Variants in MACROH2A1 observed in about 807,000 individuals in gnomAD.
The protein encoded by MACROH2A1 is core histone macro-H2A.1.
In MACROH2A1, 2 loss-of-function variants were observed where a neutral mutation model predicts 31.6. The observed-to-expected ratio is 0.06, with a 90% CI of 0.03 to 0.20. The LOEUF (loss-of-function observed/expected upper bound fraction) is 0.20. Among genes scored for constraint, MACROH2A1 ranks in the 10% least tolerant of loss-of-function variants. The pLI, the probability that MACROH2A1 is intolerant of heterozygous loss-of-function variation, is 1.00. For missense variants in MACROH2A1, 230 were observed against 474.0 expected (o/e 0.49, Z 4.78); for synonymous variants, 169 against 189.6 (o/e 0.89, Z 0.89).
intron 5 of MACROH2A1, chr5:135,360,156 T>TCTGC: frequency 3.1e-6 from 1 of 318,256 alleles, no homozygotes; most frequent in Non-Finnish European, 6.0e-6. Flanking sequence ...AGGCTTGACT[T>TCTGC]CTGCCTGATT....
rs1561607181 is a variant in MACROH2A1 at position 135,360,413 on chromosome 5, TC to T, written c.588+83del. On this transcript the variant is annotated intron_variant, in intron 5 of 8. Coordinates refer to ENST00000511689, the MANE Select transcript of MACROH2A1 (RefSeq NM_138610.3). ...ACGAGGCTGGGAGTGGCCCCCGGGATCCCCCCAGCCTTCCAGTGGAAGTAGC... is the reference window on the plus strand; with the variant it reads ...ACGAGGCTGGGAGTGGCCCCCGGGATCCCCCAGCCTTCCAGTGGAAGTAGC... 25 of 911,814 alleles carry T rather than the reference TC, an allele frequency of 2.7e-5. No homozygotes were observed. The South Asian group carries it at 3.0e-4, about 11-fold the overall frequency. 56.5% of individuals were successfully genotyped at this position (911,814 alleles called of 1,614,324 possible).
At chr5:135,337,955 C>T in intron 8 of MACROH2A1, 1 of 1,202,132 alleles carries the variant, frequency 8.3e-7, no homozygotes, top group Non-Finnish European at 1.1e-6. Context: ...AGGAAGAAAC[C>T]CTGCTATGGG....
intron 5 of MACROH2A1, chr5:135,358,542 G>T: frequency 1.0e-6 from 1 of 985,226 alleles, no homozygotes; most frequent in Non-Finnish European, 1.2e-6. Flanking sequence ...GTCTGTCTGG[G>T]TCTACATTCA....
intron 6 of MACROH2A1, among the ~76,000 whole-genome samples, chr5:135,347,944 C>G (rs192819296): frequency 6.6e-6 from 1 of 152,212 alleles, no homozygotes; most frequent in Non-Finnish European, 1.5e-5. Flanking sequence ...TTTACTTTAT[C>G]ATGATTACCA....
intron 2 of MACROH2A1, among the ~76,000 whole-genome samples, chr5:135,377,374 T>C (rs752681658): frequency 6.6e-6 from 1 of 152,272 alleles, no homozygotes; most frequent in Non-Finnish European, 1.5e-5. Context: ...CCATTTGTTC[T>C]TAATTCATCT....
chr5:135,392,983 A>T (rs968422850), intron 1 of MACROH2A1, among the ~76,000 whole-genome samples: 8 of 152,238 alleles, frequency 5.3e-5, no homozygotes, highest in African/African-American at 1.7e-4. Flanking sequence ...CAATAATGTG[A>T]ATAAGATGAA....
intron 2 of MACROH2A1, among the ~76,000 whole-genome samples, chr5:135,381,596 C>T (rs949579038): frequency 2.6e-5 from 4 of 151,908 alleles, no homozygotes; most frequent in African/African-American, 9.7e-5. Flanking sequence ...GCCTGGACAA[C>T]AGAGTGAGAT....
intron 7 of MACROH2A1, 102 bp from the exon 8 acceptor site, chr5:135,343,536 G>A: frequency 6.5e-7 from 1 of 1,540,644 alleles, no homozygotes; most frequent in South Asian, 1.2e-5. Flanking sequence ...TATCTTCCTG[G>A]GCCCTCCAAT....
At chr5:135,349,247 C>T (rs1761221048) in intron 6 of MACROH2A1, among the ~76,000 whole-genome samples, 2 of 152,200 alleles carry the variant, frequency 1.3e-5, no homozygotes, top group African/African-American at 2.4e-5. Context: ...TAGTCACTCC[C>T]AGCTATGACA....
intron 5 of MACROH2A1, chr5:135,358,946 C>G (rs1762505050): frequency 1.0e-6 from 1 of 985,294 alleles, no homozygotes; most frequent in Non-Finnish European, 1.2e-6. Context: ...GGTGTTTGCC[C>G]CCTCCCCTCC....
At chr5:135,379,982 T>A (rs1318141793) in intron 2 of MACROH2A1, among the ~76,000 whole-genome samples, 1 of 152,216 alleles carries the variant, frequency 6.6e-6, no homozygotes, top group African/African-American at 2.4e-5. Flanking sequence ...GCTGCCCTGC[T>A]GCATACCTCC....
chr5:135,371,015 A>T (rs1485478325), intron 2 of MACROH2A1, among the ~76,000 whole-genome samples: 1 of 152,248 alleles, frequency 6.6e-6, no homozygotes, highest in East Asian at 1.9e-4. Context: ...TAAGGAATAA[A>T]GCAAATATGG....
chr5:135,338,381 A>AT (rs1435646023), intron 8 of MACROH2A1, among the ~76,000 whole-genome samples: 1 of 152,254 alleles, frequency 6.6e-6, no homozygotes, highest in Non-Finnish European at 1.5e-5. Context: ...GCACCGGGGC[A>AT]TGGCACAGAG....
intron 5 of MACROH2A1, chr5:135,355,369 A>G: frequency 2.5e-6 from 1 of 399,102 alleles, no homozygotes; most frequent in South Asian, 1.9e-5. Flanking sequence ...ACTACTCAGC[A>G]TTGAGGATTT....
intron 7 of MACROH2A1, 78 bp downstream of exon 7, chr5:135,345,889 TC>T: frequency 1.1e-6 from 1 of 928,144 alleles, no homozygotes; most frequent in Non-Finnish European, 1.8e-6. Flanking sequence ...ACCTCTGAAT[TC>T]TAAGCCCTCT....
At position 135,340,252 on chromosome 5, in the gene MACROH2A1, G is replaced by GTTTC. The variant is rs559937038; in HGVS notation, c.953+3004_953+3007dup. Among the ~76,000 whole-genome samples the GTTTC allele has an allele frequency of 1.7e-4, 26 of 152,312 alleles. No homozygotes were observed. The East Asian group carries it at 4.2e-3, about 25-fold the overall frequency. ...ATTTACTTAACCCCTCTATGCTTCA[G>GTTTC]TTTCTTTGCCCTTGAAAGGAATAAT... On this transcript the variant is annotated intron_variant, in intron 8 of 8. Transcript: ENST00000511689.
intron 5 of MACROH2A1, chr5:135,360,021 A>T (rs1301155807): frequency 2.6e-6 from 1 of 381,170 alleles, no homozygotes; most frequent in Non-Finnish European, 3.6e-6. Context: ...GAAGAAACCC[A>T]GTGCACCCAT....
intron 8 of MACROH2A1, among the ~76,000 whole-genome samples, chr5:135,336,004 G>A (rs1758590603): frequency 6.6e-6 from 1 of 152,184 alleles, no homozygotes; most frequent in Non-Finnish European, 1.5e-5. Context: ...AGGATACTGA[G>A]GGTGAGTCTG....
At chr5:135,372,225 CA>C (rs1428035070) in intron 2 of MACROH2A1, among the ~76,000 whole-genome samples, 1 of 152,216 alleles carries the variant, frequency 6.6e-6, no homozygotes, top group East Asian at 1.9e-4. Flanking sequence ...CAGGGCTACA[CA>C]TGCCAGTGAT....
Sources: gnomAD v4.1 joint callset for allele counts (sites outside exome capture counted in the v4.1 genomes callset) on GRCh38, gnomAD v4.1.1 for gene constraint, MANE v1.5 for transcripts, NCBI Gene and HGNC (gene_info 2026-07-23, HGNC 2026-07-21) for gene names.